Variants in COL6A6 observed in about 807,000 individuals in gnomAD.
The protein encoded by COL6A6 is collagen type VI alpha 6 chain, also known as collagen alpha-6(VI) chain.
A neutral mutation model predicts 208.6 loss-of-function variants in COL6A6; 183 were observed. The observed-to-expected ratio is 0.88, with a 90% CI of 0.78 to 0.99. The LOEUF is 0.99. Ranked by LOEUF, COL6A6 falls within the 50% of genes least tolerant of loss-of-function variation. The pLI, the probability that COL6A6 is intolerant of heterozygous loss-of-function variation, is 0.00. For synonymous variants in COL6A6, 973 were observed against 1,011.8 expected, an observed-to-expected ratio of 0.96 and a Z score of 0.73; for missense variants, 2,816 against 2,815.2, an observed-to-expected ratio of 1.00 and a Z score of -0.01.
chr3:130,594,205 A>G (rs1388466473), intron 17 of COL6A6, 76 bp from the exon 18 acceptor site: 10 of 1,109,150 alleles, frequency 9.0e-6, no homozygotes, highest in Non-Finnish European at 1.4e-5. Flanking sequence ...CACACCAGGG[A>G]GAAGAAAAGC....
At chr3:130,636,060 C>A (rs1250998379) in intron 28 of COL6A6, among the ~76,000 whole-genome samples, 2 of 152,236 alleles carry the variant, frequency 1.3e-5, no homozygotes, top group Non-Finnish European at 1.5e-5. Flanking sequence ...AGCTTTTACA[C>A]TGCCAAAATG....
intron 33 of COL6A6, 22 bp from the exon 34 acceptor site, chr3:130,658,654 C>T (rs753242161): frequency 1.3e-6 from 2 of 1,568,066 alleles, no homozygotes; most frequent in East Asian, 4.5e-5. Flanking sequence ...TAAGTTCTTT[C>T]TGCTGCTTCT....
intron 27 of COL6A6, 100 bp from the exon 28 acceptor site, chr3:130,635,598 CG>C (rs1309127663): frequency 1.3e-6 from 1 of 786,964 alleles, no homozygotes; most frequent in African/African-American, 1.7e-5. Context: ...AAAATGCATA[CG>C]AAAAATGTCT....
At position 130,661,420 on chromosome 3, in the gene COL6A6, T is replaced by C. The variant is rs535068586; in HGVS notation, c.5831-217T>C. 2.6e-5 allele frequency among the ~76,000 whole-genome samples: 4 copies of C among 152,300 alleles called. No homozygotes were observed. The East Asian group carries it at 7.7e-4, about 29-fold the overall frequency. On this transcript the variant is annotated intron_variant, in intron 34 of 36. Transcript: ENST00000358511. The stretch of plus-strand genomic sequence containing the variant: ...CTAATCTTTAAAAGTCTGATAGCAT[T>C]AGTAAATGGAGTCCAAGACACAAGC...
intron 27 of COL6A6, 100 bp from the exon 28 acceptor site, chr3:130,635,599 G>A (rs939186727): frequency 3.3e-4 from 260 of 797,810 alleles, no homozygotes; most frequent in Middle Eastern, 3.6e-4. Context: ...AAATGCATAC[G>A]AAAAATGTCT....
At position 130,567,199 on chromosome 3, in the gene COL6A6, C is replaced by CA; in HGVS notation, c.1781dup (p.His594GlnfsTer2). 6.2e-7 allele frequency: 1 copy of CA among 1,613,338 alleles called. No individual in the cohort carries two copies. Among genetic ancestry groups the CA allele is most frequent in the Non-Finnish European group, 8.5e-7 (1 of 1,179,870 alleles). ...AGAGGAAAAGAGAGTGTATTACGTG[C>CA]ATGACTTTGATGCATTGAAAGACAT... On this transcript the variant is annotated frameshift_variant, in exon 5 of 37. Coordinates refer to ENST00000358511, the MANE Select transcript of COL6A6 (RefSeq NM_001102608.3). LOFTEE classifies it high-confidence loss of function.
chr3:130,527,855 TG>T (rs200617733), intron 1 of COL6A6, among the ~76,000 whole-genome samples: 1 of 149,842 alleles, frequency 6.7e-6, no homozygotes, highest in Admixed American at 6.6e-5. Context: ...CTTTATCTGT[TG>T]TTTCCCATCA....
chr3:130,609,547 A>G (rs1229230195), intron 22 of COL6A6, among the ~76,000 whole-genome samples: 1 of 152,184 alleles, frequency 6.6e-6, no homozygotes, highest in East Asian at 1.9e-4. Flanking sequence ...ATGAGGGGCC[A>G]GAGAGGGCAA....
At chr3:130,562,024 T>C (rs1283551579) in intron 2 of COL6A6, among the ~76,000 whole-genome samples, 1 of 152,246 alleles carries the variant, frequency 6.6e-6, no homozygotes, top group East Asian at 1.9e-4. Flanking sequence ...CTCATAGAGT[T>C]AGCTGAAGGT....
At chr3:130,628,831 AGGGTCC>A (rs2064973252) in intron 26 of COL6A6, among the ~76,000 whole-genome samples, 1 of 76,588 alleles carries the variant, frequency 1.3e-5, no homozygotes, top group South Asian at 3.9e-4. Context: ...CCTGCAGCTG[AGGGTCC>A]TGTCTGTTAG....
At chr3:130,616,552 GAAAA>G (rs35307177) in intron 23 of COL6A6, among the ~76,000 whole-genome samples, 1 of 120,802 alleles carries the variant, frequency 8.3e-6, no homozygotes, top group African/African-American at 3.1e-5. Context: ...ATCAATGCCT[GAAAA>G]AAAAAAAAAA....
chr3:130,577,070 A>G (rs2107975301), intron 8 of COL6A6, among the ~76,000 whole-genome samples: 1 of 152,350 alleles, frequency 6.6e-6, no homozygotes, highest in Middle Eastern at 3.4e-3. Context: ...GCATGGAGGT[A>G]TGATGGAGGT....
At chr3:130,625,187 G>A (rs2064848248) in intron 24 of COL6A6, among the ~76,000 whole-genome samples, 1 of 152,114 alleles carries the variant, frequency 6.6e-6, no homozygotes, top group South Asian at 2.1e-4. Flanking sequence ...TGTCCTAAAA[G>A]GCATCAAGGC....
At chr3:130,548,712 A>G (rs1378222679) in intron 1 of COL6A6, among the ~76,000 whole-genome samples, 3 of 152,186 alleles carry the variant, frequency 2.0e-5, no homozygotes, top group Non-Finnish European at 2.9e-5. Flanking sequence ...TGGGTTCTCT[A>G]CGCCTGGAGT....
At chr3:130,625,948 T>C (rs1302098857) in intron 24 of COL6A6, among the ~76,000 whole-genome samples, 1 of 152,222 alleles carries the variant, frequency 6.6e-6, no homozygotes, top group African/African-American at 2.4e-5. Context: ...TGTTACCTTT[T>C]TTTAAAAAGG....
rs1427628413 is a variant in COL6A6 at position 130,571,962 on chromosome 3, T to C, written c.2977+569T>C. Among the ~76,000 whole-genome samples the C allele has an allele frequency of 2.0e-5, 3 of 150,970 alleles. No homozygotes were observed. The South Asian group carries it at 6.3e-4, about 32-fold the overall frequency. On this transcript the variant is annotated intron_variant, in intron 7 of 36. Coordinates refer to ENST00000358511, the MANE Select transcript of COL6A6 (RefSeq NM_001102608.3). ...CCTCCCAAAGTGCTGGGATTACAAG[T>C]GTGGGCCACTACACTGAGCTGAATT...
intron 4 of COL6A6, 36 bp downstream of exon 4, chr3:130,565,650 T>C: frequency 6.4e-7 from 1 of 1,554,182 alleles, no homozygotes; most frequent in Non-Finnish European, 8.7e-7. Flanking sequence ...TTGTTTGGAT[T>C]CTTTTTTTCT....
intron 18 of COL6A6, among the ~76,000 whole-genome samples, chr3:130,595,277 A>G (rs1224276231): frequency 6.6e-6 from 1 of 152,188 alleles, no homozygotes; most frequent in African/African-American, 2.4e-5. Context: ...CCCACACTTA[A>G]GTAAGTCTCC....
intron 2 of COL6A6, among the ~76,000 whole-genome samples, chr3:130,561,808 G>A (rs1055070363): frequency 3.4e-4 from 51 of 151,014 alleles, no homozygotes; most frequent in African/African-American, 1.1e-3. Context: ...GCCCGCCACC[G>A]CGCCCGGCTA....
Sources: gnomAD v4.1 joint callset for allele counts (sites outside exome capture counted in the v4.1 genomes callset) on GRCh38, gnomAD v4.1.1 for gene constraint, MANE v1.5 for transcripts, NCBI Gene and HGNC (gene_info 2026-07-23, HGNC 2026-07-21) for gene names.